Variants in ROBO1 observed in about 807,000 individuals in gnomAD.
The protein encoded by ROBO1 is roundabout guidance receptor 1, also known as roundabout homolog 1.
Under a neutral mutation model 195.9 loss-of-function variants are expected in ROBO1, and 149 were observed. The ratio of observed to expected loss-of-function variants is 0.76; its 90% CI spans 0.67 to 0.87. The LOEUF (loss-of-function observed/expected upper bound fraction) is 0.87, where lower values mean the gene tolerates loss of function less well. Ranked by LOEUF, ROBO1 falls within the 40% of genes least tolerant of loss-of-function variation. The pLI is 0.00. For synonymous variants in ROBO1, 816 were observed against 733.2 expected, an observed-to-expected ratio of 1.11 and a Z score of -1.82; for missense variants, 1,933 against 2,068.3, an observed-to-expected ratio of 0.93 and a Z score of 1.27.
At chr3:78,951,727 C>T (rs2040803712) in intron 3 of ROBO1, among the ~76,000 whole-genome samples, 1 of 152,050 alleles carries the variant, frequency 6.6e-6, no homozygotes, top group Non-Finnish European at 1.5e-5. Context: ...ACATGAGTGA[C>T]TGAAATATCT....
At chr3:78,904,494 C>T (rs2037771964) in intron 4 of ROBO1, among the ~76,000 whole-genome samples, 1 of 151,864 alleles carries the variant, frequency 6.6e-6, no homozygotes, top group African/African-American at 2.4e-5. Context: ...GAAAAATTCC[C>T]AAACGTCAAT....
chr3:79,613,015 T>C (rs1373113842), intron 1 of ROBO1, among the ~76,000 whole-genome samples: 1 of 151,722 alleles, frequency 6.6e-6, no homozygotes, highest in Non-Finnish European at 1.5e-5. Context: ...TTTCAGAATA[T>C]GAATAATTAG....
At chr3:79,312,685 T>C (rs553881064) in intron 2 of ROBO1, among the ~76,000 whole-genome samples, 1 of 152,210 alleles carries the variant, frequency 6.6e-6, no homozygotes, top group African/African-American at 2.4e-5. Flanking sequence ...TAGATTCATG[T>C]TGATTCACTG....
chr3:79,330,938 A>G (rs2034415643), intron 2 of ROBO1, among the ~76,000 whole-genome samples: 4 of 152,118 alleles, frequency 2.6e-5, no homozygotes, highest in Non-Finnish European at 5.9e-5. Context: ...AAGTTCATCA[A>G]TTTTATGTCC....
rs1441440130 is a variant in ROBO1, at chr3:79,442,842, T to C, written c.88+146982A>G. On this transcript the variant is annotated intron_variant, in intron 2 of 30. Transcript: ENST00000464233. ...CCATCCTGCTTCTCAGGATGTATCATAGAAACATTTTTTCTAAGGGAAAAT... is the reference window on the plus strand; with the variant it reads ...CCATCCTGCTTCTCAGGATGTATCACAGAAACATTTTTTCTAAGGGAAAAT... Among the ~76,000 whole-genome samples the C allele has an allele frequency of 4.6e-5, 7 of 152,264 alleles. No individual in the cohort carries two copies. The East Asian group carries it at 1.2e-3, about 25-fold the overall frequency.
chr3:78,934,971 A>G (rs1183677406), intron 4 of ROBO1, among the ~76,000 whole-genome samples: 1 of 152,038 alleles, frequency 6.6e-6, no homozygotes, highest in Non-Finnish European at 1.5e-5. Context: ...CTCAGCATAC[A>G]TGGTCAGTTC....
chr3:78,802,481 G>A (rs139283313), intron 4 of ROBO1, among the ~76,000 whole-genome samples: 65 of 152,230 alleles, frequency 4.3e-4, no homozygotes, highest in African/African-American at 1.6e-3. Flanking sequence ...GTACTAAGTT[G>A]AAGCAAGAAT....
chr3:78,931,242 T>C (rs1159953059), intron 4 of ROBO1, among the ~76,000 whole-genome samples: 4 of 139,946 alleles, frequency 2.9e-5, no homozygotes, highest in Admixed American at 7.2e-5. Flanking sequence ...CTTTCTTTTT[T>C]TTTTTTTTTT....
chr3:79,673,064 A>T (rs1352154588), intron 1 of ROBO1, among the ~76,000 whole-genome samples: 2 of 151,892 alleles, frequency 1.3e-5, no homozygotes, highest in Admixed American at 6.6e-5. Context: ...ATCAAAGAAC[A>T]TTTTTCTTCT....
At chr3:79,767,252 G>C (rs1407083883) in intron 1 of ROBO1, among the ~76,000 whole-genome samples, 1 of 151,994 alleles carries the variant, frequency 6.6e-6, no homozygotes, top group Non-Finnish European at 1.5e-5. Flanking sequence ...CACGAACAAC[G>C]GTGCGGTCAG....
At chr3:79,547,184 CAAAAAAAAAAAAAAAA>C (rs1162585941) in intron 2 of ROBO1, among the ~76,000 whole-genome samples, 1 of 23,264 alleles carries the variant, frequency 4.3e-5, no homozygotes, top group African/African-American at 1.5e-4. Flanking sequence ...GACTCCGCCT[CAAAAAAAAAAAAAAAA>C]AAAAAAAAAA....
chr3:79,549,515 A>T (rs891884705), intron 2 of ROBO1, among the ~76,000 whole-genome samples: 1 of 152,276 alleles, frequency 6.6e-6, no homozygotes, highest in Non-Finnish European at 1.5e-5. Flanking sequence ...TTGTGCCTGT[A>T]TTAAACATGT....
intron 1 of ROBO1, among the ~76,000 whole-genome samples, chr3:79,761,930 C>T (rs547990525): frequency 6.6e-6 from 1 of 152,258 alleles, no homozygotes; most frequent in Non-Finnish European, 1.5e-5. Context: ...AAGTGCCCCA[C>T]CCCCATATAT....
At chr3:79,526,789 T>A (rs1339129753) in intron 2 of ROBO1, among the ~76,000 whole-genome samples, 1 of 152,206 alleles carries the variant, frequency 6.6e-6, no homozygotes, top group Non-Finnish European at 1.5e-5. Flanking sequence ...CTAAATTCTA[T>A]AATCTTTTTG....
chr3:78,695,022 T>C (rs1187609646), intron 8 of ROBO1, among the ~76,000 whole-genome samples: 1 of 151,320 alleles, frequency 6.6e-6, no homozygotes, highest in Non-Finnish European at 1.5e-5. Context: ...AAATTTTTAA[T>C]GCACCCTTTT....
chr3:79,304,208 G>A (rs1277058207), intron 2 of ROBO1, among the ~76,000 whole-genome samples: 1 of 152,138 alleles, frequency 6.6e-6, no homozygotes, highest in East Asian at 1.9e-4. Flanking sequence ...CTATCCATAC[G>A]GTGGAGTATT....
intron 1 of ROBO1, among the ~76,000 whole-genome samples, chr3:79,633,237 A>G (rs1239975411): frequency 2.0e-5 from 3 of 149,644 alleles, no homozygotes; most frequent in Non-Finnish European, 4.4e-5. Flanking sequence ...AGTGCAGTAC[A>G]TGATCACGGT....
chr3:78,743,219 T>C (rs371602791), intron 5 of ROBO1, among the ~76,000 whole-genome samples: 3 of 152,250 alleles, frequency 2.0e-5, no homozygotes, highest in Admixed American at 2.0e-4. Flanking sequence ...CAGTCTGTCT[T>C]GAACTGTTCA....
intron 27 of ROBO1, among the ~76,000 whole-genome samples, chr3:78,616,442 A>G (rs890672065): frequency 2.6e-5 from 4 of 152,192 alleles, no homozygotes; most frequent in Non-Finnish European, 4.4e-5. Flanking sequence ...TTCTACAATA[A>G]TAAGTTGAGA....
Sources: gnomAD v4.1 joint callset for allele counts (sites outside exome capture counted in the v4.1 genomes callset) on GRCh38, gnomAD v4.1.1 for gene constraint, MANE v1.5 for transcripts, NCBI Gene and HGNC (gene_info 2026-07-23, HGNC 2026-07-21) for gene names.